Variants in NRG1 observed in about 807,000 individuals in gnomAD.
NRG1 encodes the protein pro-neuregulin-1, membrane-bound isoform.
Under a neutral mutation model 63.8 loss-of-function variants are expected in NRG1, and 18 were observed. The observed-to-expected ratio is 0.28, with a 90% CI of 0.19 to 0.42. The LOEUF (loss-of-function observed/expected upper bound fraction) is 0.42, where lower values mean the gene tolerates loss of function less well. Among genes scored for constraint, NRG1 ranks in the 10% least tolerant of loss-of-function variants. The probability of loss-of-function intolerance (pLI) is 1.00; values close to 1 mark genes in which losing one functional copy is unlikely to be tolerated. For synonymous variants in NRG1, 302 were observed against 301.3 expected, an observed-to-expected ratio of 1.00 and a Z score of -0.02; for missense variants, 762 against 814.7, an observed-to-expected ratio of 0.94 and a Z score of 0.79.
intron 5 of NRG1, among the ~76,000 whole-genome samples, chr8:32,715,655 T>C (rs1819007644): frequency 6.6e-6 from 1 of 151,530 alleles, no homozygotes. Context: ...TTTTTTTTTT[T>C]TGAGACAGAG....
intron 1 of NRG1, among the ~76,000 whole-genome samples, chr8:32,222,829 G>C (rs1199616471): frequency 3.7e-4 from 57 of 152,146 alleles, no homozygotes; most frequent in Admixed American, 3.7e-3. Flanking sequence ...AAAATGGCTG[G>C]AGAAAGTGAC....
At chr8:31,876,026 C>T (rs2129612123) in intron 1 of NRG1, among the ~76,000 whole-genome samples, 1 of 127,296 alleles carries the variant, frequency 7.9e-6, no homozygotes, top group Non-Finnish European at 1.7e-5. Flanking sequence ...TCACTCTGTC[C>T]TAAAAAACAA....
chr8:32,605,661 T>A, exon 3 of NRG1: 1 of 1,613,252 alleles, frequency 6.2e-7, no homozygotes, highest in Non-Finnish European at 8.5e-7. Flanking sequence ...CCTCTGCCAA[T>A]ATCACCATCG....
At chr8:31,893,829 G>A (rs1013861149) in intron 1 of NRG1, among the ~76,000 whole-genome samples, 3 of 151,836 alleles carry the variant, frequency 2.0e-5, no homozygotes, top group African/African-American at 4.8e-5. Flanking sequence ...ACTTTTTGTA[G>A]CATTGATTAA....
intron 1 of NRG1, among the ~76,000 whole-genome samples, chr8:31,652,300 C>T (rs1243778713): frequency 6.6e-6 from 1 of 152,218 alleles, no homozygotes; most frequent in African/African-American, 2.4e-5. Flanking sequence ...GTAATAGATT[C>T]TTACTGCAAC....
chr8:31,759,703 A>G (rs1054742227), intron 1 of NRG1, among the ~76,000 whole-genome samples: 1 of 152,156 alleles, frequency 6.6e-6, no homozygotes, highest in African/African-American at 2.4e-5. Flanking sequence ...AATCCTTTAA[A>G]ACTACATATG....
intron 1 of NRG1, among the ~76,000 whole-genome samples, chr8:31,790,338 C>G (rs1453602548): frequency 6.6e-6 from 1 of 152,112 alleles, no homozygotes; most frequent in Non-Finnish European, 1.5e-5. Flanking sequence ...GGACAAGAAA[C>G]TAACAGTGAT....
intron 3 of NRG1, among the ~76,000 whole-genome samples, chr8:32,609,680 T>TA (rs1008586585): frequency 6.9e-6 from 1 of 144,454 alleles, no homozygotes; most frequent in African/African-American, 2.6e-5. Flanking sequence ...TTTTTTTTTT[T>TA]AAATGGTGTT....
At chr8:32,436,894 T>TACACAC (rs10543606) in intron 1 of NRG1, among the ~76,000 whole-genome samples, 1 of 149,540 alleles carries the variant, frequency 6.7e-6, no homozygotes, top group Non-Finnish European at 1.5e-5. Flanking sequence ...TATACACACA[T>TACACAC]ACACACACAC....
chr8:32,511,367 G>GTGTATA lies in NRG1; in HGVS notation c.38-84460_38-84459insGTATAT, dbSNP rs1338353608. On this transcript the variant is annotated intron_variant, in intron 1 of 10. Coordinates refer to the NRG1 transcript ENST00000519301. Reference sequence around the variant, plus strand: ...TGTGTCTGTCTGTCGATATATATGTGTATATATATATATATATATATATAT... The same window carrying GTGTATA: ...TGTGTCTGTCTGTCGATATATATGTGTGTATATATATATATATATATATATATATAT... Among the ~76,000 whole-genome samples, 875 of 122,006 alleles carry GTGTATA rather than the reference G, an allele frequency of 7.2e-3. 3 individuals are homozygous for GTGTATA. Among genetic ancestry groups the GTGTATA allele is most frequent in the East Asian group, 9.5e-3 (41 of 4,330 alleles). The allele number at this position is 122,006 out of a possible 152,430, so 80.0% of individuals were successfully genotyped here.
chr8:32,074,722 C>T (rs551490453), intron 1 of NRG1, among the ~76,000 whole-genome samples: 5 of 152,218 alleles, frequency 3.3e-5, no homozygotes, highest in African/African-American at 1.2e-4. Context: ...GTTATGAATT[C>T]ATTGGAAATA....
chr8:32,654,190 G>A (rs1855771440), intron 5 of NRG1, among the ~76,000 whole-genome samples: 1 of 152,106 alleles, frequency 6.6e-6, no homozygotes, highest in Non-Finnish European at 1.5e-5. Flanking sequence ...TGCTACACTT[G>A]CTTTTCTTCT....
At chr8:32,025,496 C>G (rs1220247214) in intron 1 of NRG1, among the ~76,000 whole-genome samples, 2 of 152,128 alleles carry the variant, frequency 1.3e-5, no homozygotes, top group African/African-American at 2.4e-5. Context: ...AAGGTTAAAA[C>G]TGAAATTTTG....
intron 1 of NRG1, among the ~76,000 whole-genome samples, chr8:31,774,461 G>A (rs1586313259): frequency 6.6e-6 from 1 of 152,234 alleles, no homozygotes; most frequent in Non-Finnish European, 1.5e-5. Context: ...TCCCATGCCT[G>A]TAGTGTCTGG....
chr8:31,950,603 G>C (rs1159199), intron 1 of NRG1, among the ~76,000 whole-genome samples: 116,902 of 152,212 alleles, frequency 0.77, 46,981 homozygotes, highest in Non-Finnish European at 0.9. Flanking sequence ...TCAACTAGTC[G>C]GCTTCTCTAA....
intron 1 of NRG1, among the ~76,000 whole-genome samples, chr8:31,943,611 G>C (rs754581250): frequency 6.6e-6 from 1 of 152,108 alleles, no homozygotes; most frequent in African/African-American, 2.4e-5. Context: ...AATAAACTTA[G>C]TGAGTGAAAC....
intron 1 of NRG1, among the ~76,000 whole-genome samples, chr8:31,848,317 G>T (rs190505482): frequency 3.9e-5 from 6 of 152,238 alleles, no homozygotes; most frequent in Admixed American, 3.9e-4. Context: ...TACACAGAGT[G>T]CCTAAAAGTG....
chr8:32,320,632 G>C (rs1801276969), intron 1 of NRG1, among the ~76,000 whole-genome samples: 1 of 152,142 alleles, frequency 6.6e-6, no homozygotes, highest in African/African-American at 2.4e-5. Context: ...AGAAAAGCAA[G>C]GGGAAATCTG....
In NRG1 at chr8:32,169,609, T is replaced by C. The variant is rs189873916; in HGVS notation, c.38-426219T>C. On this transcript the variant is annotated intron_variant, in intron 1 of 10. Coordinates refer to the NRG1 transcript ENST00000519301. ...GGTTGTGGTTAGTAAATATGGAGGA[T>C]TGAAACACAATGCAAACTTGATAAT... Among the ~76,000 whole-genome samples the C allele has an allele frequency of 3.0e-4, 46 of 152,274 alleles. No homozygotes were observed. In the East Asian group the frequency reaches 7.2e-3, roughly 24 times the overall value.
Sources: gnomAD v4.1 joint callset for allele counts (sites outside exome capture counted in the v4.1 genomes callset) on GRCh38, gnomAD v4.1.1 for gene constraint, MANE v1.5 for transcripts, NCBI Gene and HGNC (gene_info 2026-07-23, HGNC 2026-07-21) for gene names.